CRPPA: variants seen among roughly 807,000 people sequenced by gnomAD.
The protein encoded by CRPPA is CDP-L-ribitol pyrophosphorylase A.
Under a neutral mutation model 52.0 loss-of-function variants are expected in CRPPA, and 43 were observed. That is an observed-to-expected ratio of 0.83 (90% CI 0.65 to 1.07). The LOEUF (loss-of-function observed/expected upper bound fraction) is 1.07. Ranked by LOEUF, CRPPA falls within the 50% of genes least tolerant of loss-of-function variation. The pLI, the probability that CRPPA is intolerant of heterozygous loss-of-function variation, is 0.00. For synonymous variants in CRPPA, 250 were observed against 203.5 expected (o/e 1.23, Z -1.94); for missense variants, 629 against 551.7 (o/e 1.14, Z -1.40).
chr7:16,272,653 G>C (rs1039062688), intron 6 of CRPPA, among the ~76,000 whole-genome samples: 2 of 152,126 alleles, frequency 1.3e-5, no homozygotes, highest in African/African-American at 4.8e-5. Flanking sequence ...ATAAGGGAAG[G>C]GAAAAAGTAT....
chr7:16,189,200 T>G (rs74858606), intron 9 of CRPPA, among the ~76,000 whole-genome samples: 4,346 of 152,170 alleles, frequency 0.029, 205 homozygotes, highest in African/African-American at 0.099. Context: ...TGACTCAGGC[T>G]ATCTTACAAC....
In CRPPA at chr7:16,374,669, T is replaced by C. The variant is rs183611740; in HGVS notation, c.684+1423A>G. Among the ~76,000 whole-genome samples, 80 of 152,194 alleles carry C rather than the reference T, an allele frequency of 5.3e-4. No individual in the cohort carries two copies. In the East Asian group the frequency reaches 0.015, roughly 29 times the overall value. ...TTTCTTCACCTACTCTTTCCTCCTG[T>C]CCCCATGGATGAACTATCCATATTC... On this transcript the variant is annotated intron_variant, in intron 3 of 9. Coordinates refer to ENST00000407010, the MANE Select transcript of CRPPA (RefSeq NM_001101426.4).
At position 16,421,293 on chromosome 7, in the gene CRPPA, CCT is replaced by C; in HGVS notation, c.28_29del (p.Arg10AlafsTer105). MEAGPPGSARPAEPGPCLSG... is the reference protein window; with the variant it reads MEAGPPGSAXPAEPGPCLSG... ...TCAGGCAAGGACCCGGCTCCGCCGG[CCT>C]GGCGCTGCCCGGCGGCCCGGCCTCC... On this transcript the variant is annotated frameshift_variant, in exon 1 of 10. Coordinates refer to ENST00000407010, the MANE Select transcript of CRPPA (RefSeq NM_001101426.4). LOFTEE classifies it high-confidence loss of function. 6 of 1,268,950 alleles carry C rather than the reference CCT, an allele frequency of 4.7e-6. No individual in the cohort carries two copies. The highest frequency in any genetic ancestry group is 6.0e-6 in the Non-Finnish European group (6 of 1,002,370). The allele number at this position is 1,268,950 out of a possible 1,614,324, so 78.6% of individuals were successfully genotyped here.
chr7:16,145,069 T>G (rs1255042251), intron 9 of CRPPA, among the ~76,000 whole-genome samples: 2 of 152,186 alleles, frequency 1.3e-5, no homozygotes, highest in Non-Finnish European at 2.9e-5. Flanking sequence ...AAACCATAAG[T>G]GCCCCAGGAA....
At chr7:16,146,783 A>T (rs1195984845) in intron 9 of CRPPA, among the ~76,000 whole-genome samples, 6 of 152,168 alleles carry the variant, frequency 3.9e-5, no homozygotes, top group African/African-American at 1.4e-4. Flanking sequence ...ATAAAGAAAA[A>T]GGAAGGCAAG....
chr7:16,092,131 T>A (rs1781849939), intron 9 of CRPPA, among the ~76,000 whole-genome samples: 1 of 152,224 alleles, frequency 6.6e-6, no homozygotes. Context: ...TCATCAATGA[T>A]GCAATCCTTT....
chr7:16,330,095 TATTC>T (rs1785512773), intron 3 of CRPPA, among the ~76,000 whole-genome samples: 1 of 152,232 alleles, frequency 6.6e-6, no homozygotes, highest in Non-Finnish European at 1.5e-5. Context: ...CAATGAAATG[TATTC>T]ATTCATTACA....
intron 2 of CRPPA, among the ~76,000 whole-genome samples, chr7:16,381,964 T>C (rs1787103445): frequency 6.6e-6 from 1 of 152,126 alleles, no homozygotes; most frequent in African/African-American, 2.4e-5. Context: ...GTCTGTGTCT[T>C]TTAACTGGAG....
At chr7:16,307,673 CAAAAAAA>C (rs55682769) in intron 4 of CRPPA, among the ~76,000 whole-genome samples, 7 of 44,366 alleles carry the variant, frequency 1.6e-4, no homozygotes, top group African/African-American at 2.7e-4. Flanking sequence ...GAAACTCTGT[CAAAAAAA>C]AAAAAAAAAA....
chr7:16,262,974 A>G (rs1004569309), intron 6 of CRPPA, among the ~76,000 whole-genome samples: 2 of 152,194 alleles, frequency 1.3e-5, no homozygotes, highest in African/African-American at 4.8e-5. Flanking sequence ...GAGAAGGAAG[A>G]TTTTATGAAT....
chr7:16,225,323 G>T (rs1527218), intron 8 of CRPPA, among the ~76,000 whole-genome samples: 2,072 of 151,874 alleles, frequency 0.014, 24 homozygotes, highest in Non-Finnish European at 0.021. Flanking sequence ...ATTTTACAAG[G>T]TGGTCTCTCT....
At chr7:16,339,769 G>T (rs892364723) in intron 3 of CRPPA, among the ~76,000 whole-genome samples, 1 of 152,142 alleles carries the variant, frequency 6.6e-6, no homozygotes, top group Admixed American at 6.5e-5. Flanking sequence ...TGACATCACT[G>T]TCTATGCAGA....
chr7:16,162,062 T>C (rs550581820), intron 9 of CRPPA, among the ~76,000 whole-genome samples: 3 of 152,282 alleles, frequency 2.0e-5, no homozygotes, highest in Admixed American at 1.3e-4. Context: ...TTGTGTCTAT[T>C]TGATTCTTCT....
chr7:16,297,166 C>T (rs576167497), intron 5 of CRPPA, among the ~76,000 whole-genome samples: 4 of 152,194 alleles, frequency 2.6e-5, no homozygotes, highest in South Asian at 2.1e-4. Flanking sequence ...TCTTACCAAC[C>T]GTGTGACCCA....
chr7:16,180,587 C>A (rs866686851), intron 9 of CRPPA, among the ~76,000 whole-genome samples: 1 of 151,904 alleles, frequency 6.6e-6, no homozygotes. Context: ...TCATTAATTT[C>A]GAAATCATAC....
At chr7:16,181,875 T>C (rs1781418856) in intron 9 of CRPPA, among the ~76,000 whole-genome samples, 1 of 152,014 alleles carries the variant, frequency 6.6e-6, no homozygotes. Context: ...GTTTCTTAAA[T>C]ACAATCTTTT....
In CRPPA at chr7:16,272,069, G is replaced by A. The variant is rs1583483766; in HGVS notation, c.933+6060C>T. Among the ~76,000 whole-genome samples the A allele has an allele frequency of 1.3e-5, 2 of 152,274 alleles. 1 individual carries two copies. Among genetic ancestry groups the A allele is most frequent in the South Asian group, 4.1e-4 (2 of 4,824 alleles). ...AAGTGAGAGAGGTCCCTTTAAAACT[G>A]TCTACCACCCTGATCTATCTCTGGA... On this transcript the variant is annotated intron_variant, in intron 6 of 9. Coordinates refer to ENST00000407010, the MANE Select transcript of CRPPA (RefSeq NM_001101426.4).
chr7:16,398,614 C>T (rs368586148), intron 2 of CRPPA, among the ~76,000 whole-genome samples: 4 of 152,092 alleles, frequency 2.6e-5, no homozygotes, highest in African/African-American at 7.2e-5. Flanking sequence ...ATGATTGACA[C>T]ATCACCAACA....
chr7:16,244,115 C>A (rs902834898), intron 8 of CRPPA, among the ~76,000 whole-genome samples: 11 of 152,070 alleles, frequency 7.2e-5, no homozygotes, highest in Admixed American at 3.9e-4. Context: ...TATCTTAGTT[C>A]TTTTAAAAAC....
Sources: allele counts gnomAD v4.1 joint callset (sites outside exome capture counted in the v4.1 genomes callset), GRCh38; gene constraint gnomAD v4.1.1; transcripts MANE v1.5; gene names NCBI Gene and HGNC (gene_info 2026-07-23, HGNC 2026-07-21).